CELF2: variants seen among roughly 807,000 people sequenced by gnomAD.
CELF2 encodes CUG triplet repeat RNA-binding protein 2.
A neutral mutation model predicts 62.6 loss-of-function variants in CELF2; 8 were observed. That is an observed-to-expected ratio of 0.13 (90% CI 0.07 to 0.23). The LOEUF (loss-of-function observed/expected upper bound fraction) is 0.23, where lower values mean the gene tolerates loss of function less well. Ranked by LOEUF, CELF2 falls within the 10% of genes least tolerant of loss-of-function variation. CELF2 has a pLI of 1.00. For synonymous variants in CELF2, 258 were observed against 250.0 expected (o/e 1.03, Z -0.30); for missense variants, 333 against 671.0 (o/e 0.50, Z 5.56).
the CELF2 span, among the ~76,000 whole-genome samples, chr10:10,790,113 T>G: frequency 6.6e-6 from 1 of 152,160 alleles, no homozygotes; most frequent in Non-Finnish European, 1.5e-5. Context: ...ATTGAAAATC[T>G]AATCTTTTTA....
At position 11,331,219 on chromosome 10, in the gene CELF2, G is replaced by A. The variant is rs2096007497; in HGVS notation, c.*2166G>A. 6.7e-6 allele frequency: 1 copy of A among 149,296 alleles called. No individual in the cohort carries two copies. The highest frequency in any genetic ancestry group is 1.5e-5 in the Non-Finnish European group (1 of 67,582). The allele number at this position is 149,296 out of a possible 1,614,324, so 9.2% of individuals were successfully genotyped here. A position where few individuals can be genotyped will look rare whatever the true frequency, so the allele number is the denominator to read the frequency against. The stretch of plus-strand genomic sequence containing the variant: ...TGGTGCTTCTGTGAATTAAGTTGTG[G>A]TTTCATCATGAGTCTTAATGTTCTT... On this transcript the variant is annotated 3_prime_UTR_variant, in exon 13 of 13. Transcript: ENST00000633077.
chr10:11,256,887 C>A (rs561979677), intron 4 of CELF2, among the ~76,000 whole-genome samples: 75 of 152,128 alleles, frequency 4.9e-4, no homozygotes, highest in Non-Finnish European at 9.1e-4. Context: ...TCATGATCCC[C>A]AAATGCACTT....
chr10:10,596,114 C>T, the CELF2 span, among the ~76,000 whole-genome samples: 1 of 152,156 alleles, frequency 6.6e-6, no homozygotes, highest in Admixed American at 6.5e-5. Context: ...GTTTGGGACT[C>T]ACCTGTCCTG....
chr10:10,544,161 T>C, the CELF2 span, among the ~76,000 whole-genome samples: 2 of 152,186 alleles, frequency 1.3e-5, no homozygotes, highest in Non-Finnish European at 2.9e-5. Context: ...TGGAATCTAA[T>C]GTAAAATGAA....
chr10:10,618,875 A>G, the CELF2 span, among the ~76,000 whole-genome samples: 68,630 of 151,660 alleles, frequency 0.45, 15,968 homozygotes, highest in South Asian at 0.69. Flanking sequence ...AGGGGGTTCT[A>G]TAGCTGAGCT....
chr10:10,923,144 T>G (rs1270643610), intron 2 of CELF2: 1 of 152,202 alleles, frequency 6.6e-6, no homozygotes, highest in Middle Eastern at 3.2e-3. Context: ...TTATTTTGTT[T>G]GTTTGTAGGC....
At chr10:10,545,542 T>A in the CELF2 span, among the ~76,000 whole-genome samples, 68 of 152,354 alleles carry the variant, frequency 4.5e-4, no homozygotes, top group African/African-American at 1.6e-3. Context: ...CACATTATTC[T>A]GGAAAATGCG....
rs1228222559 is a variant in CELF2 at position 11,302,483 on chromosome 10, T to C, written c.977-11656T>C. ...CGATCTTCTCCATTAAATGTGTCTG[T>C]GGCTGCAGTGCCCCCAAAGGACAGG... On this transcript the variant is annotated intron_variant, in intron 9 of 12. Transcript: ENST00000633077. The surrounding 1 kb of genome is among the most constrained non-coding windows in gnomAD (Gnocchi z 5.0). Among the ~76,000 whole-genome samples, 1 of 152,192 alleles carries C rather than the reference T, an allele frequency of 6.6e-6. No homozygotes were observed. The highest frequency in any genetic ancestry group is 2.4e-5 in the African/African-American group (1 of 41,462).
intron 8 of CELF2, among the ~76,000 whole-genome samples, chr10:11,275,948 G>C (rs183431027): frequency 4.6e-5 from 7 of 152,154 alleles, no homozygotes; most frequent in Non-Finnish European, 8.8e-5. Context: ...CCAAAAAGGT[G>C]GGGGGAGAGA....
At chr10:11,055,590 G>T (rs1456075945) in intron 1 of CELF2, among the ~76,000 whole-genome samples, 1 of 152,212 alleles carries the variant, frequency 6.6e-6, no homozygotes, top group East Asian at 1.9e-4. Flanking sequence ...GGCTTAGATG[G>T]TTTTTAAGAT....
chr10:10,648,405 T>G, the CELF2 span, among the ~76,000 whole-genome samples: 1 of 152,240 alleles, frequency 6.6e-6, no homozygotes, highest in Non-Finnish European at 1.5e-5. Flanking sequence ...CCAGTCCATA[T>G]GCCAAACTCA....
chr10:10,805,377 G>A (rs1280067127), intron 1 of CELF2, among the ~76,000 whole-genome samples: 3 of 152,148 alleles, frequency 2.0e-5, no homozygotes, highest in Non-Finnish European at 2.9e-5. Context: ...ACCTCAGAGA[G>A]GAAAATTTTG....
At chr10:11,210,970 C>T (rs1011547978) in intron 2 of CELF2, among the ~76,000 whole-genome samples, 1 of 152,126 alleles carries the variant, frequency 6.6e-6, no homozygotes. Context: ...AAAAAGAAAA[C>T]ATGAAAGTAA....
chr10:10,606,097 C>T, the CELF2 span, among the ~76,000 whole-genome samples: 7 of 152,282 alleles, frequency 4.6e-5, no homozygotes, highest in Admixed American at 4.6e-4. Context: ...CTTCGGTCTC[C>T]ATTAATCCAA....
the CELF2 span, among the ~76,000 whole-genome samples, chr10:10,523,486 T>TACAG: frequency 6.6e-6 from 1 of 152,216 alleles, no homozygotes. Context: ...TGTATACATT[T>TACAG]ACAGACATTA....
chr10:11,278,710 T>C (rs940803797), intron 8 of CELF2, among the ~76,000 whole-genome samples: 7 of 152,138 alleles, frequency 4.6e-5, no homozygotes, highest in Admixed American at 2.6e-4. Flanking sequence ...TACATTACGG[T>C]TGGAAAAAGG....
chr10:11,327,410 T>C (rs78136532), intron 12 of CELF2, among the ~76,000 whole-genome samples: 34 of 152,350 alleles, frequency 2.2e-4, no homozygotes, highest in African/African-American at 7.9e-4. Flanking sequence ...CTCATACTGA[T>C]GTAAACCATA....
At chr10:10,696,547 T>C in the CELF2 span, among the ~76,000 whole-genome samples, 1,752 of 150,384 alleles carry the variant, frequency 0.012, 37 homozygotes, top group African/African-American at 0.04. Context: ...CGAGCTTCCC[T>C]GCTGCTTTGT....
intron 2 of CELF2, among the ~76,000 whole-genome samples, chr10:10,979,243 C>A (rs948878321): frequency 6.6e-6 from 1 of 152,162 alleles, no homozygotes; most frequent in Non-Finnish European, 1.5e-5. Context: ...CAGGCCTGTG[C>A]CTTCTAACCA....
Sources: gnomAD v4.1 joint callset for allele counts (sites outside exome capture counted in the v4.1 genomes callset) on GRCh38, gnomAD v4.1.1 for gene constraint, Gnocchi (gnomAD v3.1) non-coding constraint, MANE v1.5 for transcripts, NCBI Gene and HGNC (gene_info 2026-07-23, HGNC 2026-07-21) for gene names.